Variants in SENP5 observed in about 807,000 individuals in gnomAD.
SENP5 encodes the protein SUMO specific peptidase 5.
In SENP5, 21 loss-of-function variants were observed where a neutral mutation model predicts 74.2. That is an observed-to-expected ratio of 0.28 (90% CI 0.20 to 0.41). The LOEUF is 0.41. SENP5 is among the 10% of genes least tolerant of loss of function. The pLI is 1.00. For missense variants in SENP5, 717 were observed against 889.1 expected (o/e 0.81, Z 2.46); for synonymous variants, 311 against 312.7 (o/e 0.99, Z 0.06).
At chr3:196,914,744 A>G (rs1218479726) in intron 6 of SENP5, among the ~76,000 whole-genome samples, 1 of 151,434 alleles carries the variant, frequency 6.6e-6, no homozygotes, top group Non-Finnish European at 1.5e-5. Flanking sequence ...AAATTGAACA[A>G]CTATCCATGC....
chr3:196,876,530 AAAAAG>A (rs1314439726), intron 1 of SENP5, among the ~76,000 whole-genome samples: 1 of 151,120 alleles, frequency 6.6e-6, no homozygotes, highest in African/African-American at 2.4e-5. Context: ...AAAAAAAAAA[AAAAAG>A]AAAAGAAAAA....
chr3:196,894,833 A>G (rs1216698464), intron 2 of SENP5, among the ~76,000 whole-genome samples: 2 of 152,190 alleles, frequency 1.3e-5, no homozygotes, highest in African/African-American at 4.8e-5. Flanking sequence ...TTTATTTTGT[A>G]ATCTTTTAAA....
chr3:196,888,765 T>G (rs754436108), intron 2 of SENP5, among the ~76,000 whole-genome samples: 1 of 152,032 alleles, frequency 6.6e-6, no homozygotes, highest in Non-Finnish European at 1.5e-5. Context: ...GTTAGGAGGT[T>G]TATTTCTTGG....
chr3:196,898,172 T>C (rs1714527978), intron 2 of SENP5, among the ~76,000 whole-genome samples: 1 of 100,266 alleles, frequency 1.0e-5, no homozygotes, highest in Non-Finnish European at 2.2e-5. Context: ...GAGCAAGGCT[T>C]TGTCTTAAAA....
At chr3:196,908,942 CA>C (rs1046431046) in intron 6 of SENP5, among the ~76,000 whole-genome samples, 4 of 151,772 alleles carry the variant, frequency 2.6e-5, no homozygotes, top group East Asian at 1.9e-4. Context: ...GATAGAAACA[CA>C]AAAAAACCCT....
intron 2 of SENP5, among the ~76,000 whole-genome samples, chr3:196,897,454 G>A (rs73891560): frequency 6.6e-6 from 1 of 152,176 alleles, no homozygotes; most frequent in Non-Finnish European, 1.5e-5. Context: ...CAGAATGGAC[G>A]TGAGAAAGGA....
At chr3:196,870,421 C>T (rs567190708) in intron 1 of SENP5, among the ~76,000 whole-genome samples, 1 of 152,166 alleles carries the variant, frequency 6.6e-6, no homozygotes, top group African/African-American at 2.4e-5. Flanking sequence ...AATTCCTACT[C>T]TATTATTAGT....
rs913297667 is a variant in SENP5, at chr3:196,931,212, TAAAAAA to T, written c.*294_*299del. 4.4e-6 allele frequency: 1 copy of T among 226,230 alleles called. No individual in the cohort carries two copies. The highest frequency in any genetic ancestry group is 2.3e-5 in the African/African-American group (1 of 42,774). The allele number at this position is 226,230 out of a possible 1,614,324, so 14.0% of individuals were successfully genotyped here. A position where few individuals can be genotyped will look rare whatever the true frequency, so the allele number is the denominator to read the frequency against. ...AGACAGAGCATGCAGTGAAGAGTAT[TAAAAAA>T]AAAAGCTTAGTAGATTTGGTGCAGC... On this transcript the variant is annotated 3_prime_UTR_variant, in exon 10 of 10. Transcript: ENST00000323460.
chr3:196,881,083 AC>A (rs1311686482), intron 1 of SENP5, among the ~76,000 whole-genome samples: 1 of 151,800 alleles, frequency 6.6e-6, no homozygotes, highest in Non-Finnish European at 1.5e-5. Flanking sequence ...AGTAGCTGGG[AC>A]CACAGGCACA....
rs1281280118 is a variant in SENP5, at chr3:196,899,780, A to G, written c.1619+9A>G. On this transcript the variant is annotated intron_variant, in intron 3 of 9. Coordinates refer to ENST00000323460, the MANE Select transcript of SENP5 (RefSeq NM_152699.5). The stretch of plus-strand genomic sequence containing the variant: ...GAAGACTTTTCTAATAGGTATATAA[A>G]TGATGCTAAAGTTAAGCCCTTGAAA... 1 of 1,562,550 alleles carries G rather than the reference A, an allele frequency of 6.4e-7. No homozygotes were observed.
At chr3:196,922,961 C>T (rs1188347086) in intron 6 of SENP5, among the ~76,000 whole-genome samples, 1 of 152,104 alleles carries the variant, frequency 6.6e-6, no homozygotes, top group African/African-American at 2.4e-5. Context: ...TTATGTTGCC[C>T]AGGCTGGTCT....
chr3:196,926,673 C>G (rs1324597967), intron 7 of SENP5, among the ~76,000 whole-genome samples: 2 of 138,862 alleles, frequency 1.4e-5, no homozygotes, highest in African/African-American at 2.7e-5. Context: ...GAGTCTCACT[C>G]TGTCCCCTGG....
At chr3:196,897,790 A>C (rs961712263) in intron 2 of SENP5, among the ~76,000 whole-genome samples, 1 of 152,202 alleles carries the variant, frequency 6.6e-6, no homozygotes, top group East Asian at 1.9e-4. Context: ...TGCTCTGCCC[A>C]TTCAGCATTG....
chr3:196,918,083 G>GAGAA (rs1715457071), intron 6 of SENP5, among the ~76,000 whole-genome samples: 3 of 151,492 alleles, frequency 2.0e-5, no homozygotes, highest in Admixed American at 6.6e-5. Flanking sequence ...GCTGAGGCAG[G>GAGAA]TGGATCACGA....
At chr3:196,889,607 A>G (rs538559853) in intron 2 of SENP5, among the ~76,000 whole-genome samples, 2 of 152,332 alleles carry the variant, frequency 1.3e-5, no homozygotes, top group African/African-American at 4.8e-5. Context: ...AGAAGCCAAT[A>G]GCAGTTTCAG....
chr3:196,927,998 T>C (rs1715879907), intron 8 of SENP5, 119 bp downstream of exon 8: 1 of 593,130 alleles, frequency 1.7e-6, no homozygotes, highest in Non-Finnish European at 3.0e-6. Flanking sequence ...GCCTGGAGGC[T>C]CCAGGGAGGC....
chr3:196,898,818 C>T (rs748199296), intron 2 of SENP5, among the ~76,000 whole-genome samples: 1 of 152,000 alleles, frequency 6.6e-6, no homozygotes, highest in African/African-American at 2.4e-5. Flanking sequence ...CGAGACCATT[C>T]GATGATTGCA....
intron 2 of SENP5, among the ~76,000 whole-genome samples, chr3:196,888,085 A>G (rs1377138914): frequency 2.0e-5 from 3 of 152,100 alleles, no homozygotes; most frequent in Non-Finnish European, 4.4e-5. Flanking sequence ...AAGCTTACCT[A>G]TATTTGACTT....
At chr3:196,897,319 T>G (rs1714482879) in intron 2 of SENP5, among the ~76,000 whole-genome samples, 2 of 152,206 alleles carry the variant, frequency 1.3e-5, no homozygotes, top group Admixed American at 1.3e-4. Context: ...TGTGAAATAG[T>G]AAACACTAGA....
Sources: allele counts gnomAD v4.1 joint callset (sites outside exome capture counted in the v4.1 genomes callset), GRCh38; gene constraint gnomAD v4.1.1; transcripts MANE v1.5; gene names NCBI Gene and HGNC (gene_info 2026-07-23, HGNC 2026-07-21).